PRPF18: variants seen among roughly 807,000 people sequenced by gnomAD.
PRPF18 encodes pre-mRNA processing factor 18, also known as pre-mRNA-splicing factor 18.
In PRPF18, 38 loss-of-function variants were observed where a neutral mutation model predicts 46.5. That is an observed-to-expected ratio of 0.82 (90% CI 0.63 to 1.07). The LOEUF is 1.07. Among genes scored for constraint, PRPF18 ranks in the 50% least tolerant of loss-of-function variants. The pLI, the probability that PRPF18 is intolerant of heterozygous loss-of-function variation, is 0.00. For missense variants in PRPF18, 263 were observed against 410.0 expected (o/e 0.64, Z 3.10); for synonymous variants, 152 against 146.7 (o/e 1.04, Z -0.26).
At chr10:13,632,020 C>T (rs913295936), downstream of PRPF18, 2 of 152,484 alleles carry the variant, frequency 1.3e-5, no homozygotes, top group African/African-American at 2.4e-5. Flanking sequence ...CCCACTCCCT[C>T]ATTTGGAAAC....
intron 3 of PRPF18, among the ~76,000 whole-genome samples, chr10:13,601,551 G>A (rs1332967951): frequency 6.6e-6 from 1 of 152,176 alleles, no homozygotes; most frequent in Non-Finnish European, 1.5e-5. Context: ...AAGCGTCAGT[G>A]TGTATGTGTA....
chr10:13,643,329 G>C, the PRPF18 span: 4 of 152,312 alleles, frequency 2.6e-5, no homozygotes, highest in Admixed American at 2.0e-4. Context: ...GTCTTGCAGG[G>C]ACAGTACACA....
chr10:13,630,987 G>T, downstream of PRPF18: 1 of 152,332 alleles, frequency 6.6e-6, no homozygotes, highest in Non-Finnish European at 1.5e-5. Context: ...GAAGTTTGAA[G>T]AAACAGAGAT....
chr10:13,620,746 TAGAC>T (rs751985756), intron 9 of PRPF18, among the ~76,000 whole-genome samples: 9 of 152,240 alleles, frequency 5.9e-5, no homozygotes, highest in Non-Finnish European at 1.2e-4. Flanking sequence ...TGAAATATGA[TAGAC>T]AATAATTCAA....
rs1383990428 is a variant in PRPF18 at position 13,600,277 on chromosome 10, A to G, written c.178A>G (p.Thr60Ala). 1 of 1,612,042 alleles carries G rather than the reference A, an allele frequency of 6.2e-7. No homozygotes were observed. Among genetic ancestry groups the G allele is most frequent in the Non-Finnish European group, 8.5e-7 (1 of 1,179,126 alleles). The change falls in exon 3 of 10, where the codon ACT (threonine) becomes GCT (alanine). Residue 60 changes from threonine to alanine, a missense_variant. Thr to Ala is a moderately conservative substitution (Grantham distance 58). Transcript: ENST00000378572. ...QPKEEDQKPL[T>A]SSNPVLELEL... is the part of the protein sequence containing the mutation. ...AAAAGAGGAGGACCAGAAACCATTA[A>G]CTTCATCGAATCCAGTGTTAGAACT...
intron 1 of PRPF18, 157 bp downstream of exon 1, chr10:13,587,309 C>T (rs2079888614): frequency 1.3e-6 from 1 of 749,442 alleles, no homozygotes; most frequent in Non-Finnish European, 2.3e-6. Context: ...TAGATCCAAC[C>T]CTTGGCGTCT....
the PRPF18 span, chr10:13,646,491 C>A: frequency 6.6e-6 from 1 of 152,296 alleles, no homozygotes; most frequent in African/African-American, 2.4e-5. Flanking sequence ...GAGGCCTCCT[C>A]TTCATGAAGT....
intron 9 of PRPF18, among the ~76,000 whole-genome samples, chr10:13,619,422 T>G (rs778822297): frequency 6.6e-6 from 1 of 152,204 alleles, no homozygotes; most frequent in Non-Finnish European, 1.5e-5. Flanking sequence ...TGTCCCAAGG[T>G]GGGAGATGGA....
chr10:13,636,882 CCA>C, the PRPF18 span: 1 of 152,306 alleles, frequency 6.6e-6, no homozygotes, highest in South Asian at 2.1e-4. Context: ...ACAACCATCA[CCA>C]CAGTCTTAGA....
At chr10:13,591,930 T>C in intron 1 of PRPF18, 2 of 830,966 alleles carry the variant, frequency 2.4e-6, no homozygotes, top group Non-Finnish European at 1.7e-6. Flanking sequence ...AACTGAGGGT[T>C]TTTTTTTTTT....
the PRPF18 span, chr10:13,641,911 A>T: frequency 6.6e-6 from 1 of 152,184 alleles, no homozygotes; most frequent in Non-Finnish European, 1.5e-5. Context: ...GCTCGTGGGG[A>T]TAAAAATTTA....
At chr10:13,618,851 T>C (rs905978874) in intron 9 of PRPF18, among the ~76,000 whole-genome samples, 1 of 152,140 alleles carries the variant, frequency 6.6e-6, no homozygotes, top group Admixed American at 6.5e-5. Flanking sequence ...TAATAATTGC[T>C]CTTTTCCTAG....
At chr10:13,625,712 C>A (rs1416886292) in intron 9 of PRPF18, among the ~76,000 whole-genome samples, 2 of 152,182 alleles carry the variant, frequency 1.3e-5, no homozygotes. Context: ...GAGAAGATTT[C>A]AAAGACTTCA....
In PRPF18 at chr10:13,616,558, G is replaced by C; in HGVS notation, c.948+5G>C. 6.2e-7 allele frequency: 1 copy of C among 1,613,672 alleles called. No homozygotes were observed. The highest frequency in any genetic ancestry group is 8.5e-7 in the Non-Finnish European group (1 of 1,179,792). On this transcript the variant is annotated splice_donor_5th_base_variant and intron_variant, in intron 9 of 9. Transcript: ENST00000378572. Reference sequence around the variant, plus strand: ...ACTCAGCGGAAATATATTCAGGTAAGCAGTTTGGAGAGCCGGGAATTGCCC... The same window carrying C: ...ACTCAGCGGAAATATATTCAGGTAACCAGTTTGGAGAGCCGGGAATTGCCC...
At position 13,598,567 on chromosome 10, in the gene PRPF18, G is replaced by A. The variant is rs552586373; in HGVS notation, c.144+1032G>A. ...TAGTTTTCAAAAGATACCAAGAAGT[G>A]ACTTAAAAAAATTTTAAAATGTAAT... On this transcript the variant is annotated intron_variant, in intron 2 of 9. Coordinates refer to ENST00000378572, the MANE Select transcript of PRPF18 (RefSeq NM_003675.4). Among the ~76,000 whole-genome samples, 5 of 152,124 alleles carry A rather than the reference G, an allele frequency of 3.3e-5. No individual in the cohort carries two copies. In the East Asian group the frequency reaches 9.6e-4, roughly 29 times the overall value.
At chr10:13,625,836 T>C (rs770694122) in intron 9 of PRPF18, among the ~76,000 whole-genome samples, 4 of 152,218 alleles carry the variant, frequency 2.6e-5, no homozygotes, top group Non-Finnish European at 5.9e-5. Flanking sequence ...TAGGGAAATA[T>C]TGTCCAACTC....
At chr10:13,651,112 A>T in the PRPF18 span, 1 of 152,250 alleles carries the variant, frequency 6.6e-6, no homozygotes, top group African/African-American at 2.4e-5. Context: ...TGCTTTGCAG[A>T]TTTCGACGTG....
intron 5 of PRPF18, 130 bp downstream of exon 5, chr10:13,610,315 G>A (rs1489644256): frequency 3.8e-6 from 4 of 1,043,206 alleles, no homozygotes; most frequent in Non-Finnish European, 5.3e-6. Context: ...TTTACTCCTC[G>A]CTTTTATTTA....
chr10:13,649,494 T>G, the PRPF18 span: 6 of 152,180 alleles, frequency 3.9e-5, no homozygotes, highest in Non-Finnish European at 7.3e-5. Flanking sequence ...AGGTGGCTCC[T>G]AGAGGAGCCG....
Sources: gnomAD v4.1 joint callset for allele counts (sites outside exome capture counted in the v4.1 genomes callset) on GRCh38, gnomAD v4.1.1 for gene constraint, MANE v1.5 for transcripts, NCBI Gene and HGNC (gene_info 2026-07-23, HGNC 2026-07-21) for gene names.